The following BCAS3 variants were observed in gnomAD, a reference collection of about 807,000 sequenced individuals.
BCAS3 encodes BCAS3 microtubule associated cell migration factor.
A neutral mutation model predicts 116.1 loss-of-function variants in BCAS3; 53 were observed. That is an observed-to-expected ratio of 0.46 (90% CI 0.37 to 0.57). The LOEUF is 0.57. Among genes scored for constraint, BCAS3 ranks in the 20% least tolerant of loss-of-function variants. The pLI is 0.00. For missense variants in BCAS3, 917 were observed against 1,165.4 expected, an observed-to-expected ratio of 0.79 and a Z score of 3.10; for synonymous variants, 391 against 408.2, an observed-to-expected ratio of 0.96 and a Z score of 0.51.
At chr17:61,342,269 C>T (rs1227031927) in intron 22 of BCAS3, among the ~76,000 whole-genome samples, 1 of 152,202 alleles carries the variant, frequency 6.6e-6, no homozygotes, top group Non-Finnish European at 1.5e-5. Context: ...GCTTGTTCTG[C>T]TCCTCCACAT....
At chr17:60,768,327 A>G (rs1176634473) in intron 6 of BCAS3, among the ~76,000 whole-genome samples, 3 of 152,172 alleles carry the variant, frequency 2.0e-5, no homozygotes, top group African/African-American at 7.2e-5. Flanking sequence ...TGGGCTTGGA[A>G]AGGCAGACCC....
Position 61,300,319 on chromosome 17 carries a change from A to G in BCAS3, c.2426-68008A>G, listed in dbSNP as rs1474575682. Among the ~76,000 whole-genome samples the G allele has an allele frequency of 2.0e-5, 3 of 151,992 alleles. No homozygotes were observed. Among genetic ancestry groups the G allele is most frequent in the Admixed American group, 1.3e-4 (2 of 15,258 alleles). On this transcript the variant is annotated intron_variant, in intron 22 of 23. Coordinates refer to ENST00000407086, the MANE Select transcript of BCAS3 (RefSeq NM_017679.5). This position sits in a 1 kb window ranked among gnomAD's most constrained non-coding sequence, Gnocchi z 5.1. Reference sequence around the variant, plus strand: ...AAGCACAGAGAAGTGTCTGGTCCCCATGCCCGCCCTCCTCCCCTTTAACTC... The same window carrying G: ...AAGCACAGAGAAGTGTCTGGTCCCCGTGCCCGCCCTCCTCCCCTTTAACTC...
intron 3 of BCAS3, 66 bp downstream of exon 3, chr17:60,684,102 T>C (rs1327484200): frequency 1.4e-6 from 2 of 1,481,052 alleles, no homozygotes; most frequent in African/African-American, 2.8e-5. Flanking sequence ...TTTGGTTTCC[T>C]AAACTTGACA....
chr17:60,679,698 T>C (rs2032692072), intron 2 of BCAS3, among the ~76,000 whole-genome samples, 158 bp downstream of exon 2: 1 of 152,184 alleles, frequency 6.6e-6, no homozygotes, highest in Non-Finnish European at 1.5e-5. Context: ...AAATGAAGAA[T>C]TGGAGAGTTA....
At chr17:61,137,937 G>C (rs1185992632) in intron 22 of BCAS3, among the ~76,000 whole-genome samples, 5 of 152,194 alleles carry the variant, frequency 3.3e-5, no homozygotes, top group Non-Finnish European at 7.3e-5. Context: ...TTTAGATCCT[G>C]ATATGGTAGG....
Position 61,118,240 on chromosome 17 carries a change from T to TA in BCAS3, c.2425+33677dup, listed in dbSNP as rs2075591825. 6.6e-6 allele frequency among the ~76,000 whole-genome samples: 1 copy of TA among 152,180 alleles called. No individual in the cohort carries two copies. Among genetic ancestry groups the TA allele is most frequent in the Non-Finnish European group, 1.5e-5 (1 of 68,020 alleles). On this transcript the variant is annotated intron_variant, in intron 22 of 23. Transcript: ENST00000407086. This position sits in a 1 kb window ranked among gnomAD's most constrained non-coding sequence, Gnocchi z 5.0. ...CCCAGGTTCCTTACCACACTACTGT[T>TA]ACCACCCAATCAGGTTACTACTTGG...
At chr17:60,737,645 T>G (rs1179330411) in intron 5 of BCAS3, among the ~76,000 whole-genome samples, 1 of 152,094 alleles carries the variant, frequency 6.6e-6, no homozygotes, top group Non-Finnish European at 1.5e-5. Context: ...AGCTTTCTTC[T>G]TTGACCTATG....
In BCAS3 at chr17:61,220,407, A is replaced by G. The variant is rs552675317; in HGVS notation, c.2425+135843A>G. Among the ~76,000 whole-genome samples the G allele has an allele frequency of 2.0e-5, 3 of 152,374 alleles. No individual in the cohort carries two copies. Among genetic ancestry groups the G allele is most frequent in the East Asian group, 3.9e-4 (2 of 5,188 alleles). On this transcript the variant is annotated intron_variant, in intron 22 of 23. Transcript: ENST00000407086. This position sits in a 1 kb window ranked among gnomAD's most constrained non-coding sequence, Gnocchi z 4.5. ...CTATTTTCTATTTAATAGCTTGCCCACATTTTAGAGTTTACAGTTAATTAA... is the reference window on the plus strand; with the variant it reads ...CTATTTTCTATTTAATAGCTTGCCCGCATTTTAGAGTTTACAGTTAATTAA...
chr17:60,765,406 C>T (rs2043989490), intron 6 of BCAS3, among the ~76,000 whole-genome samples: 1 of 152,076 alleles, frequency 6.6e-6, no homozygotes, highest in Admixed American at 6.5e-5. Context: ...AATCTCTCAG[C>T]ATTTGCTTGT....
At position 61,248,729 on chromosome 17, in the gene BCAS3, G is replaced by T. The variant is rs1379661774; in HGVS notation, c.2426-119598G>T. Among the ~76,000 whole-genome samples, 1 of 152,166 alleles carries T rather than the reference G, an allele frequency of 6.6e-6. No individual in the cohort carries two copies. Among genetic ancestry groups the T allele is most frequent in the Non-Finnish European group, 1.5e-5 (1 of 68,040 alleles). On this transcript the variant is annotated intron_variant, in intron 22 of 23. Transcript: ENST00000407086. This position sits in a 1 kb window ranked among gnomAD's most constrained non-coding sequence, Gnocchi z 4.3. ...AGGCCCCTAACACAAATGATACCAG[G>T]ACTTCTTTGAATATTCTATTTAGTC...
intron 5 of BCAS3, among the ~76,000 whole-genome samples, chr17:60,724,666 A>G (rs376738696): frequency 5.7e-4 from 86 of 151,358 alleles, no homozygotes; most frequent in Admixed American, 1.5e-3. Flanking sequence ...GGGAGGTTGC[A>G]GTGAGCCAAG....
chr17:61,342,157 C>T (rs2057208381), intron 22 of BCAS3, among the ~76,000 whole-genome samples: 1 of 152,184 alleles, frequency 6.6e-6, no homozygotes, highest in African/African-American at 2.4e-5. Flanking sequence ...GCATGCACCA[C>T]CACACCTGGC....
intron 5 of BCAS3, 69 bp downstream of exon 5, chr17:60,709,394 A>T (rs2037574048): frequency 1.9e-6 from 2 of 1,025,868 alleles, no homozygotes; most frequent in African/African-American, 3.5e-5. Context: ...AAATCTGTAG[A>T]TACTTTTTTT....
intron 22 of BCAS3, among the ~76,000 whole-genome samples, chr17:61,334,549 A>T (rs1423160934): frequency 6.6e-6 from 1 of 151,420 alleles, no homozygotes; most frequent in African/African-American, 2.4e-5. Context: ...CCGTATTCCC[A>T]GCTACTCAGG....
In BCAS3 at chr17:61,309,925, A is replaced by G. The variant is rs1259848772; in HGVS notation, c.2426-58402A>G. Among the ~76,000 whole-genome samples, 1 of 152,196 alleles carries G rather than the reference A, an allele frequency of 6.6e-6. No individual in the cohort carries two copies. The highest frequency in any genetic ancestry group is 1.5e-5 in the Non-Finnish European group (1 of 68,034). On this transcript the variant is annotated intron_variant, in intron 22 of 23. Coordinates refer to ENST00000407086, the MANE Select transcript of BCAS3 (RefSeq NM_017679.5). This position sits in a 1 kb window ranked among gnomAD's most constrained non-coding sequence, Gnocchi z 4.6. ...AGATGAAGGGGGAAAATGAAGGGAA[A>G]CGCTTATGCTTAAAGCAGTTTTCCT...
chr17:61,150,499 A>G (rs1259546504), intron 22 of BCAS3, among the ~76,000 whole-genome samples: 2 of 152,234 alleles, frequency 1.3e-5, no homozygotes, highest in Admixed American at 6.5e-5. Flanking sequence ...GAACAATCGT[A>G]CAAGATGTGT....
At chr17:60,763,943 G>A (rs971949883) in intron 6 of BCAS3, among the ~76,000 whole-genome samples, 11 of 152,124 alleles carry the variant, frequency 7.2e-5, no homozygotes, top group African/African-American at 2.7e-4. Context: ...ATGTGTCCAG[G>A]AATTTATCCA....
In BCAS3 at chr17:61,019,127, A is replaced by G. The variant is rs984291665; in HGVS notation, c.1637+3226A>G. 6.6e-6 allele frequency among the ~76,000 whole-genome samples: 1 copy of G among 152,194 alleles called. No homozygotes were observed. Among genetic ancestry groups the G allele is most frequent in the Admixed American group, 6.5e-5 (1 of 15,288 alleles). On this transcript the variant is annotated intron_variant, in intron 16 of 23. Transcript: ENST00000407086. The surrounding 1 kb of genome is among the most constrained non-coding windows in gnomAD (Gnocchi z 5.6). Reference sequence around the variant, plus strand: ...GGTGCTAGTCCCTGGCCTGTTAGGAACTGAGCCGCACAGCAGGAGGTGAAC... The same window carrying G: ...GGTGCTAGTCCCTGGCCTGTTAGGAGCTGAGCCGCACAGCAGGAGGTGAAC...
intron 5 of BCAS3, among the ~76,000 whole-genome samples, chr17:60,728,185 A>G (rs1385918583): frequency 6.6e-6 from 1 of 152,114 alleles, no homozygotes; most frequent in Non-Finnish European, 1.5e-5. Flanking sequence ...AATATCACAC[A>G]GAATACTCTC....
Sources: allele counts gnomAD v4.1 joint callset (sites outside exome capture counted in the v4.1 genomes callset), GRCh38; gene constraint gnomAD v4.1.1; non-coding constraint Gnocchi (gnomAD v3.1); transcripts MANE v1.5; gene names NCBI Gene and HGNC (gene_info 2026-07-23, HGNC 2026-07-21).